The following WRAP73 variants were observed in gnomAD, a reference collection of about 807,000 sequenced individuals.
WRAP73 encodes the protein WD repeat containing, antisense to TP73.
In WRAP73, 55 loss-of-function variants were observed where a neutral mutation model predicts 59.6. That is an observed-to-expected ratio of 0.92 (90% CI 0.74 to 1.15). The LOEUF (loss-of-function observed/expected upper bound fraction) is 1.15, where lower values mean the gene tolerates loss of function less well. Ranked by LOEUF, WRAP73 falls within the 50% of genes most tolerant of loss-of-function variation. WRAP73 has a pLI of 0.00. For missense variants in WRAP73, 592 were observed against 608.1 expected, an observed-to-expected ratio of 0.97 and a Z score of 0.28; for synonymous variants, 265 against 258.2, an observed-to-expected ratio of 1.03 and a Z score of -0.25.
At chr1:3,634,715 A>G in intron 8 of WRAP73, 1 of 467,570 alleles carries the variant, frequency 2.1e-6, no homozygotes, top group Non-Finnish European at 4.0e-6. Context: ...CAGCACAGGG[A>G]TCTGCATCCA....
chr1:3,631,675 G>C lies in WRAP73; in HGVS notation c.1049-18C>G. Reference sequence around the variant, plus strand: ...AATGTTGTCTGAGGAAGGAAGGACAGGGCACCGGTGTCATCCCTGCCTGGC... The same window carrying C: ...AATGTTGTCTGAGGAAGGAAGGACACGGCACCGGTGTCATCCCTGCCTGGC... On this transcript the variant is annotated intron_variant, in intron 10 of 11. Transcript: ENST00000270708. 1 of 1,575,706 alleles carries C rather than the reference G, an allele frequency of 6.3e-7. No individual in the cohort carries two copies. The highest frequency in any genetic ancestry group is 8.6e-7 in the Non-Finnish European group (1 of 1,164,424).
Position 3,633,387 on chromosome 1 carries a change from G to A in WRAP73, c.922+11C>T. On this transcript the variant is annotated intron_variant, in intron 9 of 11. Transcript: ENST00000270708. ...AAAAGGAAAACAAATGACATCACAT[G>A]TGCTACTTACATTTACTCTCTGAGC... is the stretch of plus-strand genomic sequence containing the variant. The A allele has an allele frequency of 6.2e-7, 1 of 1,606,752 alleles. No individual in the cohort carries two copies. Among genetic ancestry groups the A allele is most frequent in the Non-Finnish European group, 8.5e-7 (1 of 1,174,332 alleles).
chr1:3,630,827 A>G lies in WRAP73; in HGVS notation c.*148T>C, dbSNP rs1487062269. On this transcript the variant is annotated 3_prime_UTR_variant, in exon 12 of 12. Transcript: ENST00000270708. ...ATAAAACTACAGTTTTATACCATAC[A>G]TATTTACAAAAATGCTTTGCTATAG... 4.0e-6 allele frequency: 4 copies of G among 998,822 alleles called. No individual in the cohort carries two copies. Among genetic ancestry groups the G allele is most frequent in the African/African-American group, 1.6e-5 (1 of 61,446 alleles). 61.9% of individuals were successfully genotyped at this position (998,822 alleles called of 1,614,324 possible). A position where few individuals can be genotyped will look rare whatever the true frequency, so the allele number is the denominator to read the frequency against.
chr1:3,636,029 T>C lies in WRAP73; in HGVS notation c.518A>G (p.His173Arg), dbSNP rs1406318676. 6 of 1,613,500 alleles carry C rather than the reference T, an allele frequency of 3.7e-6. No individual in the cohort carries two copies. In the South Asian group the frequency reaches 6.6e-5, roughly 18 times the overall value. The change falls in exon 6 of 12, where the codon CAT becomes CGT. Residue 173 changes from histidine (H) to arginine (R), a missense_variant and splice_region_variant. His to Arg is a conservative substitution (Grantham distance 29, BLOSUM62 0). Transcript: ENST00000270708. ...GAGATCCTGGGTGTCCGTATCAAAATGCTTCCAAAGGAAGGGGGGGAAACA... is the reference window on the plus strand; with the variant it reads ...GAGATCCTGGGTGTCCGTATCAAAACGCTTCCAAAGGAAGGGGGGGAAACA... Reference protein sequence around the residue: ...FVCSDWQLLRHFDTDTQDLTG... With the variant: ...FVCSDWQLLRRFDTDTQDLTG...
chr1:3,645,978 A>C (rs1474523824), intron 3 of WRAP73, among the ~76,000 whole-genome samples: 2 of 152,250 alleles, frequency 1.3e-5, no homozygotes, highest in African/African-American at 4.8e-5. Flanking sequence ...AATCCTAAAA[A>C]ATCTAAATTA....
chr1:3,636,160 A>G (rs1644587640), intron 5 of WRAP73, 130 bp from the exon 6 acceptor site: 1 of 683,254 alleles, frequency 1.5e-6, no homozygotes, highest in Non-Finnish European at 2.5e-6. Context: ...CAACAGCTCT[A>G]TCCTGGAAAT....
At chr1:3,643,587 C>T (rs901062030) in intron 3 of WRAP73, among the ~76,000 whole-genome samples, 15 of 140,060 alleles carry the variant, frequency 1.1e-4, no homozygotes, top group Admixed American at 2.2e-4. Flanking sequence ...AATGGGGTCG[C>T]GCCTTCGGAA....
Position 3,646,843 on chromosome 1 carries a change from G to T in WRAP73, c.223-61C>A, listed in dbSNP as rs1282761048. The T allele has an allele frequency of 3.4e-6, 5 of 1,475,878 alleles. No individual in the cohort carries two copies. The Admixed American group carries it at 7.6e-5, about 22-fold the overall frequency. The allele number at this position is 1,475,878 out of a possible 1,614,324, so 91.4% of individuals were successfully genotyped here. A position where few individuals can be genotyped will look rare whatever the true frequency, so the allele number is the denominator to read the frequency against. On this transcript the variant is annotated intron_variant, in intron 2 of 11. Transcript: ENST00000270708. This position sits in a 1 kb window ranked among gnomAD's most constrained non-coding sequence, Gnocchi z 5.1. ...ACTCATCAGCACCGAGAGACAGCGA[G>T]GACAGCTCGCTTAAACGCAGCGGAG...
intron 3 of WRAP73, among the ~76,000 whole-genome samples, chr1:3,640,160 T>C (rs999113885): frequency 1.3e-5 from 2 of 152,220 alleles, no homozygotes. Context: ...ACGGAAGGGC[T>C]CCTGTGCTGA....
At position 3,631,864 on chromosome 1, in the gene WRAP73, A is replaced by G. The variant is rs1405378797; in HGVS notation, c.1049-207T>C. The G allele has an allele frequency of 5.0e-6, 7 of 1,399,208 alleles. No homozygotes were observed. In the African/African-American group the frequency reaches 1.1e-4, roughly 21 times the overall value. 86.7% of individuals were successfully genotyped at this position (1,399,208 alleles called of 1,614,324 possible). On this transcript the variant is annotated intron_variant, in intron 10 of 11. Coordinates refer to ENST00000270708, the MANE Select transcript of WRAP73 (RefSeq NM_017818.4). ...GGCCATCACGGGCTGTAAGGGGCCC[A>G]AATGTGTTTCTTTCTTTGGTATTTT...
rs565082127 is a variant in WRAP73 at position 3,631,548 on chromosome 1, C to T, written c.1158G>A (p.Pro386=). 7.0e-5 allele frequency: 113 copies of T among 1,610,928 alleles called. No individual in the cohort carries two copies. Among genetic ancestry groups the T allele is most frequent in the East Asian group, 3.8e-4 (17 of 44,860 alleles). ...TGCCTCCCGTGCAGATGGCCAGCCGCGGCTGCTGCGGGTCCCACTGAAATG... is the reference window on the plus strand; with the variant it reads ...TGCCTCCCGTGCAGATGGCCAGCCGTGGCTGCTGCGGGTCCCACTGAAATG... ...VRAFQWDPQQ[P]RLAICTGGSR... Residue 386 remains proline (P), a synonymous_variant, in exon 11 of 12, where the codon CCG becomes CCA. Transcript: ENST00000270708.
intron 3 of WRAP73, among the ~76,000 whole-genome samples, chr1:3,645,866 G>A (rs1557464006): frequency 1.3e-5 from 2 of 152,032 alleles, no homozygotes; most frequent in Non-Finnish European, 2.9e-5. Context: ...GGCGGCTGCC[G>A]ACCGCCCCGA....
intron 5 of WRAP73, 25 bp downstream of exon 5, chr1:3,636,970 T>TA: frequency 6.2e-7 from 1 of 1,609,934 alleles, no homozygotes; most frequent in East Asian, 2.2e-5. Flanking sequence ...AGGACAACTT[T>TA]ATTCCAGTCT....
chr1:3,631,344 C>G (rs954819719), intron 11 of WRAP73, 122 bp downstream of exon 11: 9 of 1,381,374 alleles, frequency 6.5e-6, no homozygotes, highest in Non-Finnish European at 7.9e-6. Flanking sequence ...CGCAAAGACT[C>G]TGAGGGCAGT....
At position 3,631,548 on chromosome 1, in the gene WRAP73, C is replaced by A. The variant is rs565082127; in HGVS notation, c.1158G>T (p.Pro386=). The change falls in exon 11 of 12, where the codon CCG becomes CCT. Residue 386 remains proline, a synonymous_variant. Transcript: ENST00000270708. The part of the protein sequence containing the change: ...VRAFQWDPQQ[P]RLAICTGGSR... ...TGCCTCCCGTGCAGATGGCCAGCCG[C>A]GGCTGCTGCGGGTCCCACTGAAATG... 3.1e-6 allele frequency: 5 copies of A among 1,610,814 alleles called. No homozygotes were observed. Among genetic ancestry groups the A allele is most frequent in the South Asian group, 1.1e-5 (1 of 90,766 alleles).
chr1:3,634,951 C>A (rs776168826), intron 8 of WRAP73, 46 bp downstream of exon 8: 1 of 1,605,026 alleles, frequency 6.2e-7, no homozygotes, highest in Non-Finnish European at 8.5e-7. Flanking sequence ...TTCCCACCGC[C>A]CTCCCCAACA....
chr1:3,634,036 G>C (rs1388607814), intron 8 of WRAP73: 1 of 153,644 alleles, frequency 6.5e-6, no homozygotes, highest in African/African-American at 2.4e-5. Flanking sequence ...CTCTGCTGCT[G>C]TGTGGCGAAG....
intron 3 of WRAP73, among the ~76,000 whole-genome samples, chr1:3,643,432 A>C (rs1368156541): frequency 6.6e-6 from 1 of 152,224 alleles, no homozygotes; most frequent in East Asian, 1.9e-4. Flanking sequence ...GCCGCTTTTG[A>C]TGACTCACTG....
In WRAP73 at chr1:3,631,066, G is replaced by T; in HGVS notation, c.1292C>A (p.Ala431Asp). ...LCWHLSGDSM[A>D]LLSKDHFCLC... ...GCAGAAGTGATCCTTGCTGAGGAGG[G>T]CCATCGAGTCTCCGCTTAAATGCCA... The change falls in exon 12 of 12, where the codon GCC becomes GAC. Residue 431 changes from alanine (A) to aspartate (D), a missense_variant. Ala to Asp is a moderately radical substitution (Grantham distance 126, BLOSUM62 -2). Transcript: ENST00000270708. 6.2e-7 allele frequency: 1 copy of T among 1,613,298 alleles called. No homozygotes were observed. Among genetic ancestry groups the T allele is most frequent in the Non-Finnish European group, 8.5e-7 (1 of 1,180,014 alleles).
Sources: allele counts gnomAD v4.1 joint callset (sites outside exome capture counted in the v4.1 genomes callset), GRCh38; gene constraint gnomAD v4.1.1; non-coding constraint Gnocchi (gnomAD v3.1); transcripts MANE v1.5; gene names NCBI Gene and HGNC (gene_info 2026-07-23, HGNC 2026-07-21).